FRMD6: variants seen among roughly 807,000 people sequenced by gnomAD.
FRMD6 encodes FERM domain containing 6.
FRMD6 carries 37 observed loss-of-function variants against 73.2 expected under a neutral mutation model. That is an observed-to-expected ratio of 0.51 (90% CI 0.39 to 0.66). The LOEUF (loss-of-function observed/expected upper bound fraction) is 0.66. FRMD6 is among the 30% of genes least tolerant of loss of function. FRMD6 has a pLI of 0.00. For missense variants in FRMD6, 714 were observed against 780.5 expected, an observed-to-expected ratio of 0.91 and a Z score of 1.02; for synonymous variants, 273 against 282.2, an observed-to-expected ratio of 0.97 and a Z score of 0.33.
intron 12 of FRMD6, among the ~76,000 whole-genome samples, chr14:51,723,171 A>G (rs1897727271): frequency 6.6e-6 from 1 of 152,100 alleles, no homozygotes; most frequent in African/African-American, 2.4e-5. Context: ...CATGTACTTT[A>G]TGATATTGAA....
intron 2 of FRMD6, among the ~76,000 whole-genome samples, chr14:51,606,140 A>G (rs60737864): frequency 0.018 from 2,682 of 152,318 alleles, 81 homozygotes; most frequent in African/African-American, 0.061. Context: ...GGTGTAGTCA[A>G]GAATGTGACA....
intron 2 of FRMD6, among the ~76,000 whole-genome samples, chr14:51,629,221 C>G (rs965462529): frequency 6.6e-6 from 1 of 152,146 alleles, no homozygotes; most frequent in African/African-American, 2.4e-5. Flanking sequence ...TGAAGTTCAT[C>G]CACGTTGTTG....
chr14:51,621,430 C>T (rs1890922459), intron 2 of FRMD6, among the ~76,000 whole-genome samples: 1 of 152,160 alleles, frequency 6.6e-6, no homozygotes, highest in African/African-American at 2.4e-5. Flanking sequence ...AGATATACTT[C>T]CTTAGCTCCA....
At chr14:51,668,045 A>G (rs1301682244) in intron 1 of FRMD6, among the ~76,000 whole-genome samples, 1 of 152,218 alleles carries the variant, frequency 6.6e-6, no homozygotes, top group South Asian at 2.1e-4. Context: ...TGCTTTAATT[A>G]CTGCCTTACA....
intron 2 of FRMD6, among the ~76,000 whole-genome samples, chr14:51,605,809 A>G (rs1384120872): frequency 6.6e-6 from 1 of 152,208 alleles, no homozygotes; most frequent in East Asian, 1.9e-4. Flanking sequence ...GAGTCACAAG[A>G]TATCACTTTA....
At chr14:51,660,613 G>GAAAAAAAA (rs10605746) in intron 1 of FRMD6, among the ~76,000 whole-genome samples, 1 of 139,568 alleles carries the variant, frequency 7.2e-6, no homozygotes, top group Non-Finnish European at 1.5e-5. Flanking sequence ...TAAAATAAAG[G>GAAAAAAAA]AAAAAAAAAA....
chr14:51,502,078 T>C (rs1883656964), intron 1 of FRMD6, among the ~76,000 whole-genome samples: 1 of 152,208 alleles, frequency 6.6e-6, no homozygotes, highest in Non-Finnish European at 1.5e-5. Flanking sequence ...GGTTGTTTTT[T>C]TCTTGTAACT....
At chr14:51,501,617 A>G (rs1883625723) in intron 1 of FRMD6, among the ~76,000 whole-genome samples, 1 of 152,102 alleles carries the variant, frequency 6.6e-6, no homozygotes, top group African/African-American at 2.4e-5. Context: ...CCAGTCTATA[A>G]CTGATGGGCA....
At chr14:51,666,745 A>G (rs933425156) in intron 1 of FRMD6, among the ~76,000 whole-genome samples, 10 of 152,222 alleles carry the variant, frequency 6.6e-5, no homozygotes, top group Non-Finnish European at 8.8e-5. Flanking sequence ...TGATAAACAA[A>G]ATTATGATTT....
At chr14:51,578,543 G>A (rs1455016058) in intron 2 of FRMD6, among the ~76,000 whole-genome samples, 3 of 152,178 alleles carry the variant, frequency 2.0e-5, no homozygotes, top group East Asian at 1.9e-4. Context: ...CTCACCACTC[G>A]TGTGATACCC....
At chr14:51,466,560 A>T in the FRMD6 span, among the ~76,000 whole-genome samples, 2 of 152,166 alleles carry the variant, frequency 1.3e-5, no homozygotes, top group Admixed American at 1.3e-4. Flanking sequence ...TTAATTGGTT[A>T]TATATGTATA....
chr14:51,559,464 C>A lies in FRMD6; in HGVS notation c.-209-10884C>A, dbSNP rs1437582341. Among the ~76,000 whole-genome samples the A allele has an allele frequency of 3.3e-5, 5 of 151,906 alleles. No individual in the cohort carries two copies. The East Asian group carries it at 7.7e-4, about 24-fold the overall frequency. On this transcript the variant is annotated intron_variant, in intron 1 of 14. Transcript: ENST00000356218. ...AATCCTCCGGTGGTGATGGTATATT[C>A]CACGTTACTTTTTTTTTTTTTTTTT...
chr14:51,421,070 C>T, the FRMD6 span, among the ~76,000 whole-genome samples: 54 of 152,232 alleles, frequency 3.5e-4, no homozygotes, highest in Admixed American at 9.2e-4. Flanking sequence ...GCCACTGTGC[C>T]GGCTGTTTTT....
At chr14:51,424,918 A>T in the FRMD6 span, among the ~76,000 whole-genome samples, 1 of 152,230 alleles carries the variant, frequency 6.6e-6, no homozygotes, top group Admixed American at 6.5e-5. Context: ...ACTCTGCTCT[A>T]GTCACTCACA....
At chr14:51,478,497 G>A in the FRMD6 span, among the ~76,000 whole-genome samples, 1 of 152,152 alleles carries the variant, frequency 6.6e-6, no homozygotes, top group Admixed American at 6.5e-5. Flanking sequence ...AATTCCAATT[G>A]AGCCAATGTA....
At chr14:51,675,831 A>T (rs1356013147) in intron 1 of FRMD6, among the ~76,000 whole-genome samples, 3 of 152,066 alleles carry the variant, frequency 2.0e-5, no homozygotes, top group Admixed American at 6.6e-5. Flanking sequence ...TGCTGCTTTG[A>T]GTGTGTCTAG....
chr14:51,497,234 C>CGT (rs1409387234), intron 1 of FRMD6, among the ~76,000 whole-genome samples: 1 of 137,894 alleles, frequency 7.3e-6, no homozygotes, highest in East Asian at 2.1e-4. Flanking sequence ...TCTGAAATAA[C>CGT]TTTTTTTTTT....
chr14:51,559,768 A>C (rs780727362), intron 1 of FRMD6, among the ~76,000 whole-genome samples: 1 of 152,160 alleles, frequency 6.6e-6, no homozygotes, highest in African/African-American at 2.4e-5. Flanking sequence ...TTTCCTGAAC[A>C]TAAAATTTCT....
intron 1 of FRMD6, among the ~76,000 whole-genome samples, chr14:51,539,678 C>T (rs1168822529): frequency 1.3e-5 from 2 of 152,096 alleles, no homozygotes; most frequent in African/African-American, 2.4e-5. Context: ...GAGTATGTAG[C>T]CAGTAACGTG....
Sources: gnomAD v4.1 joint callset for allele counts (sites outside exome capture counted in the v4.1 genomes callset) on GRCh38, gnomAD v4.1.1 for gene constraint, MANE v1.5 for transcripts, NCBI Gene and HGNC (gene_info 2026-07-23, HGNC 2026-07-21) for gene names.